SGSM3: variants seen among roughly 807,000 people sequenced by gnomAD.
SGSM3 encodes the protein RUN and SH3 containing 3.
Under a neutral mutation model 100.5 loss-of-function variants are expected in SGSM3, and 96 were observed. The ratio of observed to expected loss-of-function variants is 0.96; its 90% confidence interval spans 0.81 to 1.13. SGSM3 has a LOEUF of 1.13. SGSM3 is among the 50% of genes most tolerant of loss of function. The pLI is 0.00. For synonymous variants in SGSM3, 483 were observed against 422.8 expected, an observed-to-expected ratio of 1.14 and a Z score of -1.75; for missense variants, 1,001 against 1,015.8, an observed-to-expected ratio of 0.99 and a Z score of 0.20.
Position 40,407,252 on chromosome 22 carries a change from T to C in SGSM3, c.1292T>C (p.Leu431Pro), listed in dbSNP as rs774471127. 1 of 1,613,604 alleles carries C rather than the reference T, an allele frequency of 6.2e-7. No homozygotes were observed. The highest frequency in any genetic ancestry group is 8.5e-7 in the Non-Finnish European group (1 of 1,180,032). Residue 431 changes from leucine to proline, a missense_variant, in exon 12 of 22, where the codon CTG becomes CCG. Transcript: ENST00000248929. The surrounding 1 kb of genome is among the most constrained non-coding windows in gnomAD (Gnocchi z 4.7). ...LKAKNIKQTE[L>P]VADLREAILR... ...GCCAAGAACATCAAGCAGACGGAAC[T>C]GGTGGCTGACCTCCGGGAAGCCATC...
chr22:40,387,133 T>C (rs1601860607), intron 1 of SGSM3: 2 of 398,266 alleles, frequency 5.0e-6, no homozygotes, highest in South Asian at 2.5e-4. Flanking sequence ...AGTCCTTTGC[T>C]GAGGTGTAAA....
In SGSM3 at chr22:40,408,976, A is replaced by G; in HGVS notation, c.1946A>G (p.Gln649Arg). The G allele has an allele frequency of 6.3e-7, 1 of 1,595,642 alleles. No individual in the cohort carries two copies. The highest frequency in any genetic ancestry group is 1.1e-5 in the South Asian group (1 of 89,270). Residue 649 changes from glutamine (Q) to arginine (R), a missense_variant, in exon 19 of 22, where the codon CAA becomes CGA. Coordinates refer to ENST00000248929, the MANE Select transcript of SGSM3 (RefSeq NM_015705.6). The stretch of plus-strand genomic sequence containing the variant: ...GTGACCCACGATGCAGTGCATGCAC[A>G]AATGGATGTGAAGCTCCGCTCACTG... ...VNVTHDAVHA[Q>R]MDVKLRSLIC...
At position 40,409,012 on chromosome 22, in the gene SGSM3, G is replaced by C. The variant is rs2052132180; in HGVS notation, c.1982G>C (p.Gly661Ala). ...DVKLRSLICV[G>A]LNEQVLHLWL... ...AAGCTCCGCTCACTGATCTGCGTGG[G>C]GCTCAAGTGAGTGTGGAAAAGGGGT... Residue 661 changes from glycine to alanine, a missense_variant, in exon 19 of 22, where the codon GGG becomes GCG. By Grantham distance (60) the Gly-to-Ala change is moderately conservative (BLOSUM62 0). Coordinates refer to ENST00000248929, the MANE Select transcript of SGSM3 (RefSeq NM_015705.6). 6.4e-7 allele frequency: 1 copy of C among 1,564,890 alleles called. No homozygotes were observed. Among genetic ancestry groups the C allele is most frequent in the Non-Finnish European group, 8.7e-7 (1 of 1,154,528 alleles).
Position 40,405,730 on chromosome 22 carries a change from G to T in SGSM3, c.700G>T (p.Ala234Ser), listed in dbSNP as rs772241050. 6.2e-7 allele frequency: 1 copy of T among 1,613,764 alleles called. No homozygotes were observed. Among genetic ancestry groups the T allele is most frequent in the Admixed American group, 1.7e-5 (1 of 60,022 alleles). ...TGCCATCATCGAGGACCTGCTCCCC[G>T]CCTCCTACTTCAGCACCACCCTGCT... ...MSAIIEDLLP[A>S]SYFSTTLLGV... is the part of the protein sequence containing the mutation. Residue 234 changes from alanine (A) to serine (S), a missense_variant, in exon 8 of 22, where the codon GCC (alanine) becomes TCC (serine). Transcript: ENST00000248929.
chr22:40,409,153 T>TG lies in SGSM3; in HGVS notation c.1989-94dup, dbSNP rs1645544007. On this transcript the variant is annotated intron_variant, in intron 19 of 21. Transcript: ENST00000248929. Reference sequence around the variant, plus strand: ...AGGTCCTTCCCCAAAGAGGGTGGTCTGGGAGCTGCTGAGAGACAGGTCAGA... The same window carrying TG: ...AGGTCCTTCCCCAAAGAGGGTGGTCTGGGGAGCTGCTGAGAGACAGGTCAGA... 4 of 1,556,292 alleles carry TG rather than the reference T, an allele frequency of 2.6e-6. No individual in the cohort carries two copies. The African/African-American group carries it at 4.1e-5, about 16-fold the overall frequency.
intron 7 of SGSM3, 113 bp from the exon 8 acceptor site, chr22:40,405,536 G>A (rs2051361677): frequency 9.7e-7 from 1 of 1,033,304 alleles, no homozygotes; most frequent in Non-Finnish European, 1.4e-6. Flanking sequence ...CTGGGTTCCA[G>A]CATGCGTGCC....
chr22:40,376,247 A>G (rs991098825), intron 1 of SGSM3: 1 of 135,502 alleles, frequency 7.4e-6, no homozygotes, highest in African/African-American at 2.9e-5. Flanking sequence ...GAGCACCAAC[A>G]ATGAAGTTCA....
chr22:40,397,533 A>C (rs2050194501), intron 1 of SGSM3, among the ~76,000 whole-genome samples: 1 of 152,218 alleles, frequency 6.6e-6, no homozygotes, highest in African/African-American at 2.4e-5. Context: ...CCTCTGCAAG[A>C]CAGCCAGAGA....
chr22:40,395,320 T>G lies in SGSM3; in HGVS notation c.-111-5376T>G, dbSNP rs117636195. The stretch of plus-strand genomic sequence containing the variant: ...CTAAATAAGCATTTAAATTACCCCA[T>G]AACTCTTTTTTTTTTTTTTTAGACA... On this transcript the variant is annotated intron_variant, in intron 1 of 21. Coordinates refer to ENST00000248929, the MANE Select transcript of SGSM3 (RefSeq NM_015705.6). 8.5e-4 allele frequency among the ~76,000 whole-genome samples: 129 copies of G among 151,858 alleles called. No individual in the cohort carries two copies. In the East Asian group the frequency reaches 0.023, roughly 27 times the overall value.
At chr22:40,382,227 A>G (rs17001868) in intron 1 of SGSM3, among the ~76,000 whole-genome samples, 1 of 152,080 alleles carries the variant, frequency 6.6e-6, no homozygotes, top group Non-Finnish European at 1.5e-5. Context: ...AACAGCTACA[A>G]CATAGCACCA....
intron 1 of SGSM3, among the ~76,000 whole-genome samples, chr22:40,388,518 A>G (rs1414230740): frequency 1.3e-5 from 2 of 152,208 alleles, no homozygotes; most frequent in Admixed American, 6.5e-5. Context: ...TAGGTCATGC[A>G]GGGTCTTATA....
intron 1 of SGSM3, among the ~76,000 whole-genome samples, chr22:40,390,646 T>G (rs529588183): frequency 6.6e-6 from 1 of 152,338 alleles, no homozygotes; most frequent in African/African-American, 2.4e-5. Context: ...TCCCTGGCAC[T>G]TAGCATGCAA....
intron 4 of SGSM3, 46 bp from the exon 5 acceptor site, chr22:40,404,200 CG>C: frequency 6.9e-7 from 1 of 1,458,922 alleles, no homozygotes; most frequent in African/African-American, 1.4e-5. Flanking sequence ...TTGGAGAACA[CG>C]TAGTAGAGAA....
intron 4 of SGSM3, among the ~76,000 whole-genome samples, chr22:40,403,113 G>A (rs1406227469): frequency 6.6e-6 from 1 of 152,244 alleles, no homozygotes; most frequent in African/African-American, 2.4e-5. Flanking sequence ...TGGAGTCAGA[G>A]TGTTCACTGT....
At chr22:40,376,018 G>T (rs1569130822) in intron 1 of SGSM3, among the ~76,000 whole-genome samples, 1 of 151,182 alleles carries the variant, frequency 6.6e-6, no homozygotes, top group Non-Finnish European at 1.5e-5. Flanking sequence ...ACACACTCCA[G>T]CCTGGGTGAC....
intron 1 of SGSM3, among the ~76,000 whole-genome samples, chr22:40,375,608 C>T (rs1601695888): frequency 6.6e-6 from 1 of 151,152 alleles, no homozygotes; most frequent in Non-Finnish European, 1.5e-5. Flanking sequence ...TTGACACCCC[C>T]AATTCAGTGT....
intron 1 of SGSM3, among the ~76,000 whole-genome samples, chr22:40,372,112 TCCC>T (rs766386245): frequency 1.1e-5 from 1 of 95,154 alleles, no homozygotes; most frequent in Admixed American, 1.2e-4. Flanking sequence ...CTTCTCCCTG[TCCC>T]CCCCCCCTTT....
chr22:40,386,082 G>GTC (rs1036715014), intron 1 of SGSM3, among the ~76,000 whole-genome samples: 2 of 150,624 alleles, frequency 1.3e-5, no homozygotes, highest in African/African-American at 4.9e-5. Flanking sequence ...GTTTTGCCAT[G>GTC]TTGCCCAGGC....
chr22:40,409,254 CAGGTGCTGCACCTGTGGCTGG>C lies in SGSM3; in HGVS notation c.2001_2021del (p.His668_Leu674del). The C allele has an allele frequency of 6.2e-7, 1 of 1,604,684 alleles. No individual in the cohort carries two copies. Among genetic ancestry groups the C allele is most frequent in the Non-Finnish European group, 8.5e-7 (1 of 1,177,372 alleles). ...CACTCCTGGCCATGTCCCCAGTGAG[CAGGTGCTGCACCTGTGGCTGG>C]AGGTGCTCTGCTCCAGCCTGCCCAC... On this transcript the variant is annotated inframe_deletion, in exon 20 of 22. Transcript: ENST00000248929.
Sources: gnomAD v4.1 joint callset for allele counts (sites outside exome capture counted in the v4.1 genomes callset) on GRCh38, gnomAD v4.1.1 for gene constraint, Gnocchi (gnomAD v3.1) non-coding constraint, MANE v1.5 for transcripts, NCBI Gene and HGNC (gene_info 2026-07-23, HGNC 2026-07-21) for gene names.